Variants in NTRK3 observed in about 807,000 individuals in gnomAD.
The protein encoded by NTRK3 is NT-3 growth factor receptor.
A neutral mutation model predicts 91.7 loss-of-function variants in NTRK3; 24 were observed. That is an observed-to-expected ratio of 0.26 (90% CI 0.19 to 0.37). The LOEUF is 0.37. NTRK3 is among the 10% of genes least tolerant of loss of function. The pLI, the probability that NTRK3 is intolerant of heterozygous loss-of-function variation, is 1.00. For synonymous variants in NTRK3, 483 were observed against 404.0 expected, an observed-to-expected ratio of 1.20 and a Z score of -2.34; for missense variants, 880 against 1,068.9, an observed-to-expected ratio of 0.82 and a Z score of 2.46.
intron 10 of NTRK3, among the ~76,000 whole-genome samples, chr15:88,129,441 C>T (rs947435477): frequency 1.3e-4 from 20 of 152,218 alleles, no homozygotes; most frequent in African/African-American, 7.2e-5. Flanking sequence ...GATTAAGTAA[C>T]TAATTGGATG....
chr15:87,948,476 T>A (rs1005615086), intron 14 of NTRK3, among the ~76,000 whole-genome samples: 1 of 152,132 alleles, frequency 6.6e-6, no homozygotes, highest in Non-Finnish European at 1.5e-5. Context: ...TCACTTGAGG[T>A]CAGGAGTTCA....
intron 14 of NTRK3, among the ~76,000 whole-genome samples, chr15:87,988,673 T>C (rs1416880075): frequency 6.6e-6 from 1 of 152,102 alleles, no homozygotes; most frequent in Non-Finnish European, 1.5e-5. Context: ...TTTTTGTTTA[T>C]TGATCCTATA....
At chr15:88,013,326 C>CAGGG (rs1433510358) in intron 14 of NTRK3, among the ~76,000 whole-genome samples, 9 of 152,224 alleles carry the variant, frequency 5.9e-5, no homozygotes, top group African/African-American at 2.2e-4. Context: ...AAAAAAGGAA[C>CAGGG]AGGGTTCCTT....
At chr15:88,124,586 C>G (rs752742155) in intron 13 of NTRK3, among the ~76,000 whole-genome samples, 1 of 152,178 alleles carries the variant, frequency 6.6e-6, no homozygotes, top group Non-Finnish European at 1.5e-5. Context: ...TAAAAGCTCC[C>G]TGCATGGTAG....
intron 14 of NTRK3, among the ~76,000 whole-genome samples, chr15:87,958,717 A>G (rs1011897668): frequency 6.6e-6 from 1 of 151,802 alleles, no homozygotes; most frequent in African/African-American, 2.4e-5. Context: ...TGCTGGCACC[A>G]TCCTAGCTCA....
chr15:87,980,145 C>T (rs905589538), intron 14 of NTRK3, among the ~76,000 whole-genome samples: 2 of 152,184 alleles, frequency 1.3e-5, no homozygotes, highest in African/African-American at 4.8e-5. Context: ...ACACTGGTGG[C>T]CCCGAGGCCA....
At chr15:87,991,021 A>C (rs2075246851) in intron 14 of NTRK3, among the ~76,000 whole-genome samples, 1 of 152,194 alleles carries the variant, frequency 6.6e-6, no homozygotes, top group Admixed American at 6.5e-5. Flanking sequence ...CTTGAAGGTC[A>C]CCAATGGTTA....
intron 14 of NTRK3, among the ~76,000 whole-genome samples, chr15:87,968,996 T>C (rs567921077): frequency 6.6e-6 from 1 of 152,306 alleles, no homozygotes; most frequent in South Asian, 2.1e-4. Context: ...TTTACTTCTT[T>C]TATCTCCTCA....
chr15:87,865,788 G>A, exon 19 of NTRK3: 1 of 227,598 alleles, frequency 4.4e-6, no homozygotes, highest in Non-Finnish European at 8.7e-6. Flanking sequence ...AACTCTAATT[G>A]TCCCTTTCCA....
intron 14 of NTRK3, chr15:87,981,206 C>T (rs190399618): frequency 3.7e-5 from 58 of 1,560,190 alleles, no homozygotes; most frequent in African/African-American, 1.2e-4. Flanking sequence ...CATACAAAGA[C>T]GTCAAAGGAG....
At chr15:87,937,545 A>G (rs542665358) in intron 15 of NTRK3, among the ~76,000 whole-genome samples, 2 of 152,294 alleles carry the variant, frequency 1.3e-5, no homozygotes, top group Admixed American at 1.3e-4. Flanking sequence ...ACAAAAACCA[A>G]AACACCCTTC....
At chr15:88,136,017 A>G in exon 9 of NTRK3, 2 of 1,614,274 alleles carry the variant, frequency 1.2e-6, no homozygotes, top group South Asian at 2.2e-5. Flanking sequence ...TGATGGCATG[A>G]ACATTGGTCC....
chr15:87,877,725 T>G (rs1481495691), intron 18 of NTRK3, among the ~76,000 whole-genome samples: 1 of 152,090 alleles, frequency 6.6e-6, no homozygotes, highest in Admixed American at 6.5e-5. Context: ...CCAGTTTCTC[T>G]TAAAGTCCTT....
chr15:88,039,611 C>A (rs1389667762), intron 13 of NTRK3, among the ~76,000 whole-genome samples: 1 of 152,172 alleles, frequency 6.6e-6, no homozygotes, highest in Non-Finnish European at 1.5e-5. Context: ...ATGGTTTATT[C>A]CAAGTTGGGA....
At chr15:88,189,830 T>C (rs1337782610) in intron 3 of NTRK3, among the ~76,000 whole-genome samples, 1 of 152,218 alleles carries the variant, frequency 6.6e-6, no homozygotes, top group Non-Finnish European at 1.5e-5. Context: ...TCTCCAAGCA[T>C]TCCAAAATTG....
intron 13 of NTRK3, among the ~76,000 whole-genome samples, chr15:88,115,314 C>G (rs1256993809): frequency 2.6e-5 from 4 of 152,216 alleles, no homozygotes; most frequent in African/African-American, 9.7e-5. Flanking sequence ...GCTATGGCAG[C>G]CATTTTCACA....
intron 3 of NTRK3, among the ~76,000 whole-genome samples, chr15:88,250,530 G>A (rs1418799196): frequency 6.6e-6 from 1 of 152,220 alleles, no homozygotes; most frequent in Admixed American, 6.5e-5. Flanking sequence ...CATAAGAGCT[G>A]GCCTGGCCCC....
chr15:88,025,724 A>C (rs538633531), intron 14 of NTRK3, among the ~76,000 whole-genome samples: 1 of 152,368 alleles, frequency 6.6e-6, no homozygotes, highest in Admixed American at 6.5e-5. Context: ...GAGATAAAAA[A>C]TTTCTGTTGT....
rs1489635451 is a variant in NTRK3 at position 88,241,355 on chromosome 15, C to T, written c.248+14551G>A. ...AGGAGGGCAGGGGGATGTCAGTCAC[C>T]TGGATGGGAGACACAGCCTGCAGCT... On this transcript the variant is annotated intron_variant, in intron 3 of 18. Transcript: ENST00000394480. This position sits in a 1 kb window ranked among gnomAD's most constrained non-coding sequence, Gnocchi z 4.3. Among the ~76,000 whole-genome samples, 2 of 152,140 alleles carry T rather than the reference C, an allele frequency of 1.3e-5. No individual in the cohort carries two copies. The highest frequency in any genetic ancestry group is 2.4e-5 in the African/African-American group (1 of 41,420).
Sources: allele counts gnomAD v4.1 joint callset (sites outside exome capture counted in the v4.1 genomes callset), GRCh38; gene constraint gnomAD v4.1.1; non-coding constraint Gnocchi (gnomAD v3.1); transcripts MANE v1.5; gene names NCBI Gene and HGNC (gene_info 2026-07-23, HGNC 2026-07-21).